PTK2: variants seen among roughly 807,000 people sequenced by gnomAD.
PTK2 encodes the protein focal adhesion kinase 1.
PTK2 carries 45 observed loss-of-function variants against 150.1 expected under a neutral mutation model. The observed-to-expected ratio is 0.30, with a 90% CI of 0.24 to 0.38. The LOEUF (loss-of-function observed/expected upper bound fraction) is 0.38, where lower values mean the gene tolerates loss of function less well. PTK2 is among the 10% of genes least tolerant of loss of function. PTK2 has a pLI of 1.00. For synonymous variants in PTK2, 432 were observed against 449.2 expected (o/e 0.96, Z 0.48); for missense variants, 919 against 1,307.3 (o/e 0.70, Z 4.58).
chr8:140,852,134 G>A (rs1037998534), intron 5 of PTK2, among the ~76,000 whole-genome samples: 2 of 152,098 alleles, frequency 1.3e-5, no homozygotes, highest in African/African-American at 2.4e-5. Flanking sequence ...TTAAATTCCC[G>A]AAGATAATAA....
intron 30 of PTK2, among the ~76,000 whole-genome samples, chr8:140,666,771 C>T (rs1049315085): frequency 6.6e-6 from 1 of 152,164 alleles, no homozygotes; most frequent in Admixed American, 6.5e-5. Context: ...TCTGAGTATA[C>T]ACTCAAAAGA....
At chr8:140,958,612 T>A (rs1259385998) in intron 1 of PTK2, among the ~76,000 whole-genome samples, 2 of 152,242 alleles carry the variant, frequency 1.3e-5, no homozygotes, top group Non-Finnish European at 2.9e-5. Context: ...AAGGAGCACT[T>A]GAAATGTAAC....
At chr8:140,667,460 CTCTCTCTT>C (rs1313143012) in intron 30 of PTK2, among the ~76,000 whole-genome samples, 17 of 73,234 alleles carry the variant, frequency 2.3e-4, no homozygotes, top group Admixed American at 7.8e-4. Context: ...TTCTCTCTCT[CTCTCTCTT>C]TTTTTTTTTT....
At chr8:140,679,661 T>G (rs891634578) in intron 27 of PTK2, among the ~76,000 whole-genome samples, 8 of 152,148 alleles carry the variant, frequency 5.3e-5, no homozygotes, top group Non-Finnish European at 1.0e-4. Flanking sequence ...GACAACTGGG[T>G]TGTCATCACA....
intron 5 of PTK2, among the ~76,000 whole-genome samples, chr8:140,849,624 T>C (rs2100127896): frequency 6.6e-6 from 1 of 152,220 alleles, no homozygotes; most frequent in South Asian, 2.1e-4. Flanking sequence ...CCCCATTTTA[T>C]AGCCTCAGAA....
At chr8:140,868,204 AAT>A (rs2100140453) in intron 4 of PTK2, among the ~76,000 whole-genome samples, 3 of 152,186 alleles carry the variant, frequency 2.0e-5, no homozygotes. Flanking sequence ...CTAGATTAAG[AAT>A]ATGATAGTCC....
intron 22 of PTK2, among the ~76,000 whole-genome samples, chr8:140,723,977 T>C (rs958098831): frequency 5.9e-5 from 9 of 152,246 alleles, no homozygotes; most frequent in African/African-American, 1.4e-4. Context: ...ACATTCCCTA[T>C]ACAACTTGAT....
intron 23 of PTK2, among the ~76,000 whole-genome samples, chr8:140,709,561 T>A (rs1181962514): frequency 6.6e-6 from 1 of 152,216 alleles, no homozygotes; most frequent in Non-Finnish European, 1.5e-5. Flanking sequence ...TTCAGCTCTC[T>A]GTGTCTCCCT....
At position 140,679,916 on chromosome 8, in the gene PTK2, C is replaced by G. The variant is rs112840198; in HGVS notation, c.2563-4417G>C. ...AACCAAATTATCATCTTTAGGAAAG[C>G]ACAAAAGGGAAAAAAATCAAATGGT... On this transcript the variant is annotated intron_variant, in intron 27 of 31. Transcript: ENST00000522684. Among the ~76,000 whole-genome samples, 1,267 of 152,194 alleles carry G rather than the reference C, an allele frequency of 8.3e-3. 25 individuals carry two copies. Among genetic ancestry groups the G allele is most frequent in the African/African-American group, 0.028 (1,176 of 41,528 alleles).
In PTK2 at chr8:140,890,754, A is replaced by G; in HGVS notation, c.-17T>C. ...AGCTGCCATTATTTTGCTAGATGCT[A>G]GGTATCTGTCATATTCTGTTAAAAG... is the stretch of plus-strand genomic sequence containing the variant. On this transcript the variant is annotated 5_prime_UTR_variant, in exon 3 of 32. It removes the in-frame stop codon of an upstream open reading frame in the 5' UTR. Transcript: ENST00000522684. 1.9e-6 allele frequency: 3 copies of G among 1,614,040 alleles called. No homozygotes were observed. Among genetic ancestry groups the G allele is most frequent in the Non-Finnish European group, 2.5e-6 (3 of 1,179,896 alleles).
chr8:140,768,265 T>A (rs1333415626), intron 14 of PTK2, among the ~76,000 whole-genome samples: 1 of 152,258 alleles, frequency 6.6e-6, no homozygotes, highest in Admixed American at 6.5e-5. Flanking sequence ...TGGGCCTTAC[T>A]GACCAAGACC....
chr8:140,693,759 G>T (rs1049885875), intron 26 of PTK2, among the ~76,000 whole-genome samples: 1 of 152,016 alleles, frequency 6.6e-6, no homozygotes, highest in Non-Finnish European at 1.5e-5. Context: ...TACTCAAAAA[G>T]TAAGAGATGT....
At chr8:140,690,581 A>G (rs1345746583) in intron 26 of PTK2, among the ~76,000 whole-genome samples, 1 of 152,234 alleles carries the variant, frequency 6.6e-6, no homozygotes, top group African/African-American at 2.4e-5. Context: ...AAAAATTAAG[A>G]TACTGCAAAA....
intron 14 of PTK2, among the ~76,000 whole-genome samples, chr8:140,773,485 G>A (rs539758287): frequency 4.6e-5 from 7 of 152,342 alleles, no homozygotes; most frequent in Non-Finnish European, 1.0e-4. Flanking sequence ...TGATTATGGA[G>A]GGAGTCATCT....
intron 2 of PTK2, among the ~76,000 whole-genome samples, chr8:140,924,400 T>C (rs931829879): frequency 5.3e-5 from 8 of 152,184 alleles, no homozygotes; most frequent in African/African-American, 1.9e-4. Context: ...ATTGTTTGGC[T>C]ACCCCCACTA....
chr8:140,756,319 T>C (rs1235359895), intron 16 of PTK2, among the ~76,000 whole-genome samples: 1 of 133,996 alleles, frequency 7.5e-6, no homozygotes. Context: ...CAAGGCTCCA[T>C]CTCAAAAAAA....
At chr8:140,665,096 G>T (rs967483186) in intron 30 of PTK2, 99 bp from the exon 35 acceptor site, 11 of 1,085,312 alleles carry the variant, frequency 1.0e-5, no homozygotes, top group Non-Finnish European at 1.5e-5. Context: ...AAGTTTCAAG[G>T]CAAATTTCTG....
At chr8:140,863,523 C>G (rs575185564) in intron 5 of PTK2, among the ~76,000 whole-genome samples, 2 of 152,312 alleles carry the variant, frequency 1.3e-5, no homozygotes, top group South Asian at 4.1e-4. Context: ...AAGACTGCAC[C>G]ACATTTTCTC....
At chr8:140,733,794 G>T (rs1464833395) in intron 22 of PTK2, among the ~76,000 whole-genome samples, 1 of 152,150 alleles carries the variant, frequency 6.6e-6, no homozygotes, top group Non-Finnish European at 1.5e-5. Flanking sequence ...TTGTTCTATG[G>T]GGCCTTGAAA....
Sources: gnomAD v4.1 joint callset for allele counts (sites outside exome capture counted in the v4.1 genomes callset) on GRCh38, gnomAD v4.1.1 for gene constraint, MANE v1.5 for transcripts, NCBI Gene and HGNC (gene_info 2026-07-23, HGNC 2026-07-21) for gene names.